Variants in CSMD1 observed in about 807,000 individuals in gnomAD.
CSMD1 encodes CUB and Sushi multiple domains 1, also known as CUB and sushi domain-containing protein 1.
A neutral mutation model predicts 417.5 loss-of-function variants in CSMD1; 213 were observed. That is an observed-to-expected ratio of 0.51 (90% CI 0.46 to 0.57). The LOEUF is 0.57. Ranked by LOEUF, CSMD1 falls within the 20% of genes least tolerant of loss-of-function variation. CSMD1 has a pLI of 0.00. For missense variants in CSMD1, 6,923 were observed against 4,529.7 expected (o/e 1.53, Z -15.17); for synonymous variants, 2,862 against 1,736.8 (o/e 1.65, Z -16.11).
chr8:4,961,179 T>A lies in CSMD1; in HGVS notation c.85+33153A>T, dbSNP rs571430060. Among the ~76,000 whole-genome samples, 4 of 152,346 alleles carry A rather than the reference T, an allele frequency of 2.6e-5. No individual in the cohort carries two copies. The South Asian group carries it at 8.3e-4, about 32-fold the overall frequency. On this transcript the variant is annotated intron_variant, in intron 1 of 69. Coordinates refer to ENST00000635120, the MANE Select transcript of CSMD1 (RefSeq NM_033225.6). The stretch of plus-strand genomic sequence containing the variant: ...TTTTTGTTTTCCTGTAATTGATACA[T>A]CTTACTTTTAGAATGCATAGTATTC...
At chr8:4,968,616 C>T (rs561726422) in intron 1 of CSMD1, among the ~76,000 whole-genome samples, 1 of 152,218 alleles carries the variant, frequency 6.6e-6, no homozygotes, top group South Asian at 2.1e-4. Context: ...TTTCTCTCCC[C>T]TCCCTCAGTG....
intron 2 of CSMD1, among the ~76,000 whole-genome samples, chr8:4,519,808 G>C (rs1197934294): frequency 3.6e-5 from 5 of 137,580 alleles, no homozygotes; most frequent in African/African-American, 1.4e-4. Flanking sequence ...GCCAGGGATA[G>C]CTCTATGAAA....
intron 3 of CSMD1, among the ~76,000 whole-genome samples, chr8:4,357,368 C>G (rs191728173): frequency 3.3e-4 from 51 of 152,274 alleles, no homozygotes; most frequent in African/African-American, 7.7e-4. Flanking sequence ...GAGCTGAGCC[C>G]ACTGTATTTC....
intron 1 of CSMD1, among the ~76,000 whole-genome samples, chr8:4,946,297 C>G (rs74990381): frequency 0.027 from 4,053 of 152,244 alleles, 164 homozygotes; most frequent in East Asian, 0.15. Flanking sequence ...CCAAAACTAA[C>G]CTCAATCAAT....
At chr8:3,772,296 T>TGTACATATATTTAGACATACATAA in intron 5 of CSMD1, among the ~76,000 whole-genome samples, 1 of 146,222 alleles carries the variant, frequency 6.8e-6, no homozygotes, top group South Asian at 2.1e-4. Context: ...GACATACATA[T>TGTACATATATTTAGACATACATAA]GTACATATAT....
chr8:4,458,958 A>C (rs1037622004), intron 2 of CSMD1, among the ~76,000 whole-genome samples: 2 of 152,210 alleles, frequency 1.3e-5, no homozygotes, highest in Non-Finnish European at 2.9e-5. Flanking sequence ...ACCAACGAGG[A>C]AACATCTAAC....
intron 3 of CSMD1, among the ~76,000 whole-genome samples, chr8:4,337,958 T>A (rs572639207): frequency 1.1e-4 from 16 of 152,280 alleles, no homozygotes; most frequent in African/African-American, 3.1e-4. Flanking sequence ...TCAACCTTTT[T>A]AAATATCAGT....
At chr8:4,911,325 C>A (rs986329876) in intron 1 of CSMD1, among the ~76,000 whole-genome samples, 1 of 152,148 alleles carries the variant, frequency 6.6e-6, no homozygotes, top group Non-Finnish European at 1.5e-5. Flanking sequence ...AATAACTTAA[C>A]CAATATGCAG....
At chr8:3,586,009 A>G in intron 9 of CSMD1, 127 bp downstream of exon 9, 3 of 965,258 alleles carry the variant, frequency 3.1e-6, no homozygotes, top group Non-Finnish European at 4.4e-6. Flanking sequence ...ATCACTATGA[A>G]AACATACATT....
chr8:4,145,164 C>G (rs1333454814), intron 3 of CSMD1, among the ~76,000 whole-genome samples: 1 of 151,006 alleles, frequency 6.6e-6, no homozygotes, highest in Non-Finnish European at 1.5e-5. Flanking sequence ...AGGCACGAAC[C>G]CATTCATTCA....
At chr8:4,668,313 G>C (rs1236540454) in intron 1 of CSMD1, among the ~76,000 whole-genome samples, 1 of 151,688 alleles carries the variant, frequency 6.6e-6, no homozygotes. Flanking sequence ...AGCTTTCTTG[G>C]ATGATCACAG....
At chr8:3,896,733 A>C (rs954522690) in intron 5 of CSMD1, among the ~76,000 whole-genome samples, 6 of 151,846 alleles carry the variant, frequency 4.0e-5, no homozygotes, top group Admixed American at 3.9e-4. Flanking sequence ...GATGGTCTCG[A>C]TCCTGAATAT....
At chr8:4,663,535 G>C (rs769227243) in intron 1 of CSMD1, among the ~76,000 whole-genome samples, 6 of 152,244 alleles carry the variant, frequency 3.9e-5, no homozygotes, top group African/African-American at 1.2e-4. Context: ...GTGCATGCTA[G>C]TGAGTTCTCA....
At chr8:4,921,242 C>G (rs1001407629) in intron 1 of CSMD1, among the ~76,000 whole-genome samples, 1 of 152,172 alleles carries the variant, frequency 6.6e-6, no homozygotes, top group Non-Finnish European at 1.5e-5. Context: ...ACCTCTTCCA[C>G]CAGCCAGAGG....
chr8:4,330,603 G>A (rs1398374964), intron 3 of CSMD1, among the ~76,000 whole-genome samples: 3 of 123,592 alleles, frequency 2.4e-5, no homozygotes, highest in Non-Finnish European at 5.6e-5. Context: ...AAAAAAAAAA[G>A]TATTTTGTAA....
intron 3 of CSMD1, among the ~76,000 whole-genome samples, chr8:4,230,168 A>G (rs1044217790): frequency 2.0e-5 from 3 of 152,198 alleles, no homozygotes; most frequent in Non-Finnish European, 4.4e-5. Context: ...GTATGTTTGA[A>G]TTGATATTCT....
At chr8:3,273,809 G>C (rs1382721241) in intron 26 of CSMD1, among the ~76,000 whole-genome samples, 1 of 152,006 alleles carries the variant, frequency 6.6e-6, no homozygotes, top group Admixed American at 6.5e-5. Context: ...GTATCTATTT[G>C]ATTCCTCTCT....
chr8:4,375,667 G>A (rs529029319), intron 3 of CSMD1, among the ~76,000 whole-genome samples: 2 of 152,202 alleles, frequency 1.3e-5, no homozygotes, highest in Admixed American at 1.3e-4. Flanking sequence ...GGATAAGGGA[G>A]GAATGCCCAC....
intron 1 of CSMD1, among the ~76,000 whole-genome samples, chr8:4,836,302 T>C (rs1215474047): frequency 6.6e-6 from 1 of 152,182 alleles, no homozygotes; most frequent in Non-Finnish European, 1.5e-5. Context: ...CCCTAAGATG[T>C]TAATTAACAC....
Sources: gnomAD v4.1 joint callset for allele counts (sites outside exome capture counted in the v4.1 genomes callset) on GRCh38, gnomAD v4.1.1 for gene constraint, MANE v1.5 for transcripts, NCBI Gene and HGNC (gene_info 2026-07-23, HGNC 2026-07-21) for gene names.